GRIA3: variants seen among roughly 807,000 people sequenced by gnomAD.
GRIA3 encodes the protein glutamate receptor 3.
Under a neutral mutation model 63.0 loss-of-function variants are expected in GRIA3, and 3 were observed. The observed-to-expected ratio is 0.05, with a 90% CI of 0.02 to 0.12. GRIA3 has a LOEUF of 0.12. Among genes scored for constraint, GRIA3 ranks in the 10% least tolerant of loss-of-function variants. The pLI is 1.00. For synonymous variants in GRIA3, 274 were observed against 257.9 expected (o/e 1.06, Z -0.60); for missense variants, 347 against 700.9 (o/e 0.50, Z 5.70).
intron 12 of GRIA3, among the ~76,000 whole-genome samples, chrX:123,435,969 G>GTT (rs1412950757): frequency 2.7e-5 from 3 of 111,626 alleles, no homozygotes; most frequent in Non-Finnish European, 3.8e-5. Flanking sequence ...AAGTATGAAG[G>GTT]TGTCTACAAG....
chrX:123,264,207 G>T (rs1348789807), intron 3 of GRIA3, among the ~76,000 whole-genome samples: 1 of 112,266 alleles, frequency 8.9e-6, no homozygotes, highest in African/African-American at 3.2e-5. Context: ...CTAGGAGACA[G>T]GAGGAATGCT....
intron 3 of GRIA3, among the ~76,000 whole-genome samples, chrX:123,309,750 A>G (rs2044778320): frequency 8.9e-6 from 1 of 111,862 alleles, no homozygotes; most frequent in African/African-American, 3.3e-5. Context: ...CCCCACACCT[A>G]CATTTCCCAG....
intron 5 of GRIA3, among the ~76,000 whole-genome samples, chrX:123,364,300 C>G (rs1242587475): frequency 9.0e-6 from 1 of 111,419 alleles, no homozygotes; most frequent in East Asian, 2.8e-4. Context: ...CATGGGAAGT[C>G]ATGCAATAAT....
chrX:123,405,804 T>C (rs2045470656), intron 10 of GRIA3, among the ~76,000 whole-genome samples: 1 of 111,970 alleles, frequency 8.9e-6, no homozygotes, highest in Non-Finnish European at 1.9e-5. Context: ...TTCCTTTCCA[T>C]ATTCATATAG....
chrX:123,368,742 A>G (rs1226925558), intron 5 of GRIA3, among the ~76,000 whole-genome samples: 2 of 107,024 alleles, frequency 1.9e-5, no homozygotes, highest in Non-Finnish European at 3.9e-5. Context: ...CAATTTCTCA[A>G]AAGAGTGAAG....
intron 14 of GRIA3, among the ~76,000 whole-genome samples, chrX:123,480,660 C>T (rs1159588771): frequency 1.8e-5 from 2 of 111,769 alleles, no homozygotes; most frequent in African/African-American, 6.5e-5. Flanking sequence ...GAATAAATAA[C>T]AAAGACTGGT....
At chrX:123,353,745 A>G (rs1255473434) in intron 4 of GRIA3, among the ~76,000 whole-genome samples, 1 of 111,432 alleles carries the variant, frequency 9.0e-6, no homozygotes, top group African/African-American at 3.3e-5. Context: ...GAAAGATCCT[A>G]AAATTGCATT....
At chrX:123,435,038 G>T (rs1460896184) in intron 12 of GRIA3, among the ~76,000 whole-genome samples, 1 of 112,208 alleles carries the variant, frequency 8.9e-6, no homozygotes, top group African/African-American at 3.2e-5. Flanking sequence ...CCTATCTTTT[G>T]CCAAATTACC....
rs1244990877 is a variant in GRIA3, at chrX:123,480,066, G to A, written c.2328G>A (p.Thr776=). ...VATPKGSALR[T]PVNLAVLKLS... Reference sequence around the variant, plus strand: ...TTATGTTATTTCCCACGTGAAGAACGCCTGTAAACCTTGCAGTATTGAAAC... The same window carrying A: ...TTATGTTATTTCCCACGTGAAGAACACCTGTAAACCTTGCAGTATTGAAAC... The change falls in exon 14 of 16, where the codon ACG becomes ACA. Residue 776 remains threonine (T), a synonymous_variant. Coordinates refer to ENST00000620443, the MANE Select transcript of GRIA3 (RefSeq NM_007325.5). 4 of 1,136,972 alleles carry A rather than the reference G, an allele frequency of 3.5e-6. No individual in the cohort carries two copies. The highest frequency in any genetic ancestry group is 1.8e-5 in the African/African-American group (1 of 55,605). 93.7% of individuals were successfully genotyped at this position (1,136,972 alleles called of 1,213,427 possible).
intron 12 of GRIA3, among the ~76,000 whole-genome samples, chrX:123,447,566 A>C (rs779807732): frequency 8.9e-6 from 1 of 112,376 alleles, no homozygotes; most frequent in African/African-American, 3.2e-5. Context: ...AAAACAACCT[A>C]GTTTTCTACT....
intron 3 of GRIA3, among the ~76,000 whole-genome samples, chrX:123,310,875 C>T (rs1471237805): frequency 9.0e-6 from 1 of 110,563 alleles, no homozygotes; most frequent in Non-Finnish European, 1.9e-5. Context: ...TGGTGGCACA[C>T]ACTTGCAATC....
intron 5 of GRIA3, among the ~76,000 whole-genome samples, chrX:123,392,261 C>A (rs750932080): frequency 2.6e-4 from 29 of 111,846 alleles, no homozygotes; most frequent in African/African-American, 8.4e-4. Context: ...AGGGTCACTG[C>A]CAATGACTCG....
intron 13 of GRIA3, among the ~76,000 whole-genome samples, chrX:123,466,044 T>C (rs1156316352): frequency 1.8e-5 from 2 of 112,025 alleles, no homozygotes; most frequent in African/African-American, 6.5e-5. Context: ...ACCAGTTTGG[T>C]TGCCTTATGA....
intron 2 of GRIA3, among the ~76,000 whole-genome samples, chrX:123,217,237 G>A (rs1928181176): frequency 9.0e-6 from 1 of 111,210 alleles, no homozygotes; most frequent in African/African-American, 3.3e-5. Flanking sequence ...GATGAGTCAG[G>A]AGAATTGAGA....
At chrX:123,340,793 G>C (rs2045003772) in intron 4 of GRIA3, among the ~76,000 whole-genome samples, 1 of 111,874 alleles carries the variant, frequency 8.9e-6, no homozygotes, top group Non-Finnish European at 1.9e-5. Context: ...GAGCTCTCTA[G>C]GGAGACTTGT....
At chrX:123,483,111 C>CTTTTTTTTTTT in intron 15 of GRIA3, 65 bp downstream of exon 15, 2 of 741,867 alleles carry the variant, frequency 2.7e-6, no homozygotes, top group Non-Finnish European at 2.0e-6. Context: ...TTTTTTTCTT[C>CTTTTTTTTTTT]TTTTTTTTTT....
rs12387435 is a variant in GRIA3, at chrX:123,369,518, C to T, written c.750+14555C>T. ...GTGTCTTTGCTGAGATGATAGGGAGCGTCTGGCCTCAATTTTCAAAATGTT... is the reference window on the plus strand; with the variant it reads ...GTGTCTTTGCTGAGATGATAGGGAGTGTCTGGCCTCAATTTTCAAAATGTT... On this transcript the variant is annotated intron_variant, in intron 5 of 15. Coordinates refer to ENST00000620443, the MANE Select transcript of GRIA3 (RefSeq NM_007325.5). Among the ~76,000 whole-genome samples, 3 of 111,506 alleles carry T rather than the reference C, an allele frequency of 2.7e-5. No homozygotes were observed. The Admixed American group carries it at 2.9e-4, about 11-fold the overall frequency.
chrX:123,460,946 TG>T (rs1254287651), intron 12 of GRIA3, among the ~76,000 whole-genome samples: 1 of 111,557 alleles, frequency 9.0e-6, no homozygotes, highest in Non-Finnish European at 1.9e-5. Flanking sequence ...AGGGATTATT[TG>T]GGGGGAAGTT....
At chrX:123,199,631 T>A (rs1440937096) in intron 2 of GRIA3, among the ~76,000 whole-genome samples, 1 of 111,729 alleles carries the variant, frequency 9.0e-6, no homozygotes, top group Non-Finnish European at 1.9e-5. Context: ...CCCAACATAA[T>A]CCTTATTCTC....
Sources: gnomAD v4.1 joint callset for allele counts (sites outside exome capture counted in the v4.1 genomes callset) on GRCh38, gnomAD v4.1.1 for gene constraint, MANE v1.5 for transcripts, NCBI Gene and HGNC (gene_info 2026-07-23, HGNC 2026-07-21) for gene names.